The following MTSS2 variants were observed in gnomAD, a reference collection of about 807,000 sequenced individuals.
MTSS2 encodes protein MTSS 2.
MTSS2 carries 27 observed loss-of-function variants against 67.1 expected under a neutral mutation model. The ratio of observed to expected loss-of-function variants is 0.40; its 90% CI spans 0.30 to 0.55. MTSS2 has a LOEUF of 0.55. MTSS2 is among the 20% of genes least tolerant of loss of function. MTSS2 has a pLI of 0.43. For missense variants in MTSS2, 1,171 were observed against 1,067.8 expected (o/e 1.10, Z -1.35); for synonymous variants, 624 against 468.6 (o/e 1.33, Z -4.28).
rs749003640 is a variant in MTSS2 at position 70,663,765 on chromosome 16, G to A, written c.2156C>T (p.Pro719Leu). ...GATGGCCACCAGCATGTCTTCGGCCGGGGGGTCGCTGGTGGCGGCTGGGGG... is the reference window on the plus strand; with the variant it reads ...GATGGCCACCAGCATGTCTTCGGCCAGGGGGTCGCTGGTGGCGGCTGGGGG... ...TPPPAATSDP[P>L]AEDMLVAIRR... The change falls in exon 15 of 15, where the codon CCG (proline) becomes CTG (leucine). Residue 719 changes from proline (P) to leucine (L), a missense_variant. Transcript: ENST00000338779. 208 of 1,535,068 alleles carry A rather than the reference G, an allele frequency of 1.4e-4. No individual in the cohort carries two copies. The highest frequency in any genetic ancestry group is 3.2e-4 in the East Asian group (13 of 41,094).
rs1437680547 is a variant in MTSS2 at position 70,661,586 on chromosome 16, C to T, written c.*2091G>A. On this transcript the variant is annotated 3_prime_UTR_variant, in exon 15 of 15. Coordinates refer to ENST00000338779, the MANE Select transcript of MTSS2 (RefSeq NM_138383.3). Reference sequence around the variant, plus strand: ...AGTTTGTGATGTGGGATGGTTGGCTCGGATCCCGAGGTGGGTGGGCCTATG... The same window carrying T: ...AGTTTGTGATGTGGGATGGTTGGCTTGGATCCCGAGGTGGGTGGGCCTATG... 5 of 349,750 alleles carry T rather than the reference C, an allele frequency of 1.4e-5. No homozygotes were observed. Among genetic ancestry groups the T allele is most frequent in the Non-Finnish European group, 2.2e-5 (4 of 178,464 alleles). The allele number at this position is 349,750 out of a possible 1,614,324, so 21.7% of individuals were successfully genotyped here.
chr16:70,672,341 CAAAAA>C (rs11297993), intron 11 of MTSS2, among the ~76,000 whole-genome samples: 2 of 80,910 alleles, frequency 2.5e-5, no homozygotes, highest in Non-Finnish European at 4.6e-5. Flanking sequence ...GAGCAAAATT[CAAAAA>C]AAAAAAAAAA....
At chr16:70,685,670 C>T (rs1174102262) in intron 1 of MTSS2, 53 bp downstream of exon 1, 1 of 1,122,936 alleles carries the variant, frequency 8.9e-7, no homozygotes, top group Non-Finnish European at 1.1e-6. Context: ...CACGCGTCCC[C>T]GGGGGGTCCC....
intron 11 of MTSS2, among the ~76,000 whole-genome samples, chr16:70,673,958 G>C (rs190040552): frequency 5.8e-4 from 88 of 152,054 alleles, no homozygotes; most frequent in African/African-American, 2.0e-3. Flanking sequence ...CAAGAATTCA[G>C]GACAAATAGA....
chr16:70,665,654 C>T, intron 11 of MTSS2, 114 bp from the exon 12 acceptor site: 1 of 870,492 alleles, frequency 1.1e-6, no homozygotes, highest in Non-Finnish European at 1.8e-6. Flanking sequence ...CGGTTCAATT[C>T]AGCGCCTTGC....
chr16:70,682,527 G>A (rs748633838), intron 1 of MTSS2, among the ~76,000 whole-genome samples: 2 of 151,996 alleles, frequency 1.3e-5, no homozygotes, highest in Admixed American at 6.5e-5. Flanking sequence ...GCAGCCCTGG[G>A]GCAGTCTCAG....
At chr16:70,665,402 T>G in intron 12 of MTSS2, 64 bp downstream of exon 12, 1 of 1,468,408 alleles carries the variant, frequency 6.8e-7, no homozygotes, top group Non-Finnish European at 9.2e-7. Context: ...TGGCACCAGG[T>G]GGGGAGGGCA....
At chr16:70,669,947 C>T (rs754522474) in intron 11 of MTSS2, among the ~76,000 whole-genome samples, 47 of 151,984 alleles carry the variant, frequency 3.1e-4, no homozygotes, top group Non-Finnish European at 5.7e-4. Context: ...AAATGCCAAG[C>T]GCTGGTGAGG....
chr16:70,675,463 T>C (rs1478920165), intron 10 of MTSS2, among the ~76,000 whole-genome samples: 2 of 152,180 alleles, frequency 1.3e-5, no homozygotes, highest in Non-Finnish European at 2.9e-5. Context: ...AAAAAACCTA[T>C]TGGTTTCACC....
intron 9 of MTSS2, among the ~76,000 whole-genome samples, chr16:70,677,428 G>T (rs1215849685): frequency 6.6e-6 from 1 of 152,134 alleles, no homozygotes; most frequent in African/African-American, 2.4e-5. Flanking sequence ...GGGGTGGCCA[G>T]GTACGCCTGG....
chr16:70,664,796 C>A (rs766768880), intron 13 of MTSS2, 33 bp from the exon 14 acceptor site: 3 of 1,572,304 alleles, frequency 1.9e-6, no homozygotes, highest in East Asian at 2.3e-5. Flanking sequence ...TGAAGCCTTG[C>A]GCCCCCAATC....
chr16:70,661,304 G>GA lies in MTSS2; in HGVS notation c.*2372_*2373insT. ...AAATCGGGGAGGATGGTGTGGAGGG[G>GA]GCGGGGAGGAGAGGAGAATTTTTCC... On this transcript the variant is annotated 3_prime_UTR_variant, in exon 15 of 15. Coordinates refer to ENST00000338779, the MANE Select transcript of MTSS2 (RefSeq NM_138383.3). The GA allele has an allele frequency of 2.2e-6, 1 of 455,300 alleles. No homozygotes were observed. Among genetic ancestry groups the GA allele is most frequent in the South Asian group, 1.6e-5 (1 of 64,484 alleles). 28.2% of individuals were successfully genotyped at this position (455,300 alleles called of 1,614,324 possible). A position where few individuals can be genotyped will look rare whatever the true frequency, so the allele number is the denominator to read the frequency against.
Position 70,662,579 on chromosome 16 carries a change from C to G in MTSS2, c.*1098G>C, listed in dbSNP as rs1018732214. The G allele has an allele frequency of 1.3e-5, 2 of 152,454 alleles. No homozygotes were observed. Among genetic ancestry groups the G allele is most frequent in the Non-Finnish European group, 2.9e-5 (2 of 68,122 alleles). 9.4% of individuals were successfully genotyped at this position (152,454 alleles called of 1,614,324 possible). A position where few individuals can be genotyped will look rare whatever the true frequency, so the allele number is the denominator to read the frequency against. On this transcript the variant is annotated 3_prime_UTR_variant, in exon 15 of 15. Coordinates refer to ENST00000338779, the MANE Select transcript of MTSS2 (RefSeq NM_138383.3). ...CTCCCAACCTTATTTTGGCTACGCT[C>G]GAGACACTGGAGAGAACAGTAGCTT...
chr16:70,664,267 C>T lies in MTSS2; in HGVS notation c.1654G>A (p.Gly552Ser), dbSNP rs2052610361. 2.6e-6 allele frequency: 4 copies of T among 1,558,502 alleles called. No homozygotes were observed. Among genetic ancestry groups the T allele is most frequent in the East Asian group, 2.3e-5 (1 of 44,434 alleles). Residue 552 changes from glycine to serine, a missense_variant, in exon 15 of 15, where the codon GGC becomes AGC. Physicochemically the swap from Gly to Ser is moderately conservative, Grantham distance 56. Around this residue, in one of 2 missense-constraint regions of MTSS2, gnomAD observed 924 missense variants for 756.0 expected, o/e 1.22. Coordinates refer to ENST00000338779, the MANE Select transcript of MTSS2 (RefSeq NM_138383.3). Reference sequence around the variant, plus strand: ...CCGGGGGGTGCGCCCGAGGGCAGGCCAGTGGCCGTGGGCAGCCCCGCGGTG... The same window carrying T: ...CCGGGGGGTGCGCCCGAGGGCAGGCTAGTGGCCGTGGGCAGCCCCGCGGTG... ...LPTAGLPTAT[G>S]LPSGAPPGVA... is the part of the protein sequence containing the mutation.
intron 9 of MTSS2, 73 bp from the exon 10 acceptor site, chr16:70,677,051 C>G (rs1567500834): frequency 1.7e-6 from 2 of 1,168,154 alleles, no homozygotes; most frequent in East Asian, 2.5e-5. Context: ...CCCCCCCCCA[C>G]TCTCTAATTG....
At chr16:70,681,572 A>C (rs1371906936) in intron 1 of MTSS2, among the ~76,000 whole-genome samples, 1 of 152,222 alleles carries the variant, frequency 6.6e-6, no homozygotes, top group African/African-American at 2.4e-5. Context: ...GGCCAGCAGC[A>C]GTGGCTCCCA....
At chr16:70,684,937 C>A (rs1010227266) in intron 1 of MTSS2, among the ~76,000 whole-genome samples, 2 of 152,156 alleles carry the variant, frequency 1.3e-5, no homozygotes, top group East Asian at 3.9e-4. Context: ...TGAGCCATTT[C>A]CAGGCCTCAG....
chr16:70,663,567 C>CCCTGGCTCTGT lies in MTSS2; in HGVS notation c.*99_*109dup, dbSNP rs1184416738. 1 of 1,438,166 alleles carries CCCTGGCTCTGT rather than the reference C, an allele frequency of 7.0e-7. No homozygotes were observed. Among genetic ancestry groups the CCCTGGCTCTGT allele is most frequent in the Non-Finnish European group, 9.1e-7 (1 of 1,096,068 alleles). The allele number at this position is 1,438,166 out of a possible 1,614,324, so 89.1% of individuals were successfully genotyped here. ...TTTCCATAAAGTGGCATGGCCTCTG[C>CCCTGGCTCTGT]CCTGGCTCTGTCCTCTCTCCTGGCT... is the stretch of plus-strand genomic sequence containing the variant. On this transcript the variant is annotated 3_prime_UTR_variant, in exon 15 of 15. Transcript: ENST00000338779.
At position 70,663,793 on chromosome 16, in the gene MTSS2, G is replaced by A. The variant is rs367803267; in HGVS notation, c.2128C>T (p.Pro710Ser). The A allele has an allele frequency of 6.6e-7, 1 of 1,521,174 alleles. No homozygotes were observed. The highest frequency in any genetic ancestry group is 8.8e-7 in the Non-Finnish European group (1 of 1,135,738). The allele number at this position is 1,521,174 out of a possible 1,614,324, so 94.2% of individuals were successfully genotyped here. The change falls in exon 15 of 15, where the codon CCA (proline) becomes TCA (serine). Residue 710 changes from proline (P) to serine (S), a missense_variant. Transcript: ENST00000338779. ...GGGTCGCTGGTGGCGGCTGGGGGTG[G>A]GGTGGGCGTCTCCTCCGTGGGGGTG... is the stretch of plus-strand genomic sequence containing the variant. ...SATPTEETPT[P>S]PPAATSDPPA... is the part of the protein sequence containing the mutation.
Sources: allele counts gnomAD v4.1 joint callset (sites outside exome capture counted in the v4.1 genomes callset), GRCh38; gene constraint gnomAD v4.1.1; regional missense constraint gnomAD v4.1.1; transcripts MANE v1.5; gene names NCBI Gene and HGNC (gene_info 2026-07-23, HGNC 2026-07-21).